FCSK: variants seen among roughly 807,000 people sequenced by gnomAD.
The protein encoded by FCSK is fucose kinase, also known as L-fucose kinase.
Under a neutral mutation model 122.5 loss-of-function variants are expected in FCSK, and 123 were observed. That is an observed-to-expected ratio of 1.00 (90% CI 0.87 to 1.17). The LOEUF (loss-of-function observed/expected upper bound fraction) is 1.17, where lower values mean the gene tolerates loss of function less well. Ranked by LOEUF, FCSK falls within the 50% of genes most tolerant of loss-of-function variation. FCSK has a pLI of 0.00. For missense variants in FCSK, 1,366 were observed against 1,450.4 expected (o/e 0.94, Z 0.95); for synonymous variants, 620 against 625.5 (o/e 0.99, Z 0.13).
chr16:70,468,021 G>A lies in FCSK; in HGVS notation c.663+55G>A, dbSNP rs2048478929. The A allele has an allele frequency of 2.9e-6, 4 of 1,368,896 alleles. No homozygotes were observed. The South Asian group carries it at 4.6e-5, about 16-fold the overall frequency. The allele number at this position is 1,368,896 out of a possible 1,614,324, so 84.8% of individuals were successfully genotyped here. ...TTTGGGGACCTTATGGGACAGGGAG[G>A]GAGGGTCTGACTTCCTTCGATTCCT... On this transcript the variant is annotated intron_variant, in intron 8 of 23. Coordinates refer to ENST00000288078, the MANE Select transcript of FCSK (RefSeq NM_145059.3).
intron 10 of FCSK, among the ~76,000 whole-genome samples, chr16:70,469,608 A>C (rs1469501765): frequency 6.6e-6 from 1 of 151,572 alleles, no homozygotes; most frequent in Non-Finnish European, 1.5e-5. Flanking sequence ...GGCTAGAGTG[A>C]GGTGGTGCGA....
At chr16:70,474,485 G>C (rs2048732646) in intron 16 of FCSK, 43 bp from the exon 17 acceptor site, 1 of 1,546,274 alleles carries the variant, frequency 6.5e-7, no homozygotes, top group Non-Finnish European at 8.7e-7. Context: ...TCTGCCCCCA[G>C]CTTGGGGCTG....
At chr16:70,468,430 CCG>C (rs1453777220) in intron 8 of FCSK, among the ~76,000 whole-genome samples, 1 of 152,096 alleles carries the variant, frequency 6.6e-6, no homozygotes, top group East Asian at 1.9e-4. Flanking sequence ...AATCCCCTGC[CCG>C]CTGTAAAACA....
At chr16:70,456,595 G>A (rs1379421411) in intron 1 of FCSK, among the ~76,000 whole-genome samples, 7 of 152,168 alleles carry the variant, frequency 4.6e-5, no homozygotes, top group Admixed American at 6.5e-5. Flanking sequence ...TCCTTGCCTG[G>A]CTGGAAGGAT....
chr16:70,454,982 G>C (rs2048044245), intron 1 of FCSK: 1 of 152,202 alleles, frequency 6.6e-6, no homozygotes. Flanking sequence ...TTTACTTTGA[G>C]GCCGCTTCTC....
intron 18 of FCSK, 105 bp from the exon 19 acceptor site, chr16:70,475,245 G>A: frequency 7.3e-7 from 1 of 1,367,272 alleles, no homozygotes; most frequent in Non-Finnish European, 1.0e-6. Context: ...CTGGGCTTTT[G>A]TCCCACCGGA....
intron 16 of FCSK, 81 bp from the exon 17 acceptor site, chr16:70,474,447 G>A (rs1168849189): frequency 6.5e-7 from 1 of 1,545,882 alleles, no homozygotes; most frequent in East Asian, 2.4e-5. Context: ...GGGTACCCCG[G>A]GACAGTCAGG....
Position 70,466,133 on chromosome 16 carries a change from G to T in FCSK, c.287G>T (p.Gly96Val). The T allele has an allele frequency of 6.2e-7, 1 of 1,613,734 alleles. No individual in the cohort carries two copies. ...HSAWILILHM[G>V]RDFPFDDCGR... ...CCTCACCAGTCCCCCGACTTCCAGG[G>T]TCGAGACTTCCCCTTTGATGACTGT... Residue 96 changes from glycine (G) to valine (V), a missense_variant and splice_region_variant, in exon 5 of 24, where the codon GGT becomes GTT. By Grantham distance (109) the Gly-to-Val change is moderately radical. Coordinates refer to ENST00000288078, the MANE Select transcript of FCSK (RefSeq NM_145059.3).
Position 70,473,018 on chromosome 16 carries a change from C to G in FCSK, c.1442C>G (p.Ala481Gly), listed in dbSNP as rs754522710. 37 of 1,598,434 alleles carry G rather than the reference C, an allele frequency of 2.3e-5. No individual in the cohort carries two copies. The highest frequency in any genetic ancestry group is 2.7e-5 in the Non-Finnish European group (32 of 1,173,252). ...CTGTGGGACCCTGAGACGCTGCCCG[C>G]AGAGTACTGCCTTCCCAGCGCCCGC... ...WDLWDPETLP[A>G]EYCLPSARLF... Residue 481 changes from alanine to glycine, a missense_variant, in exon 15 of 24, where the codon GCA becomes GGA. Transcript: ENST00000288078. This position sits in a 1 kb window ranked among gnomAD's most constrained non-coding sequence, Gnocchi z 4.9.
At position 70,474,949 on chromosome 16, in the gene FCSK, CTG is replaced by C. The variant is rs1202947014; in HGVS notation, c.2318_2319del (p.Val773GlufsTer9). Reference sequence around the variant, plus strand: ...GTGGGGCCTCGGCAGGATGAGATGACTGTGAAGATAGTGTGCCGGTGCCTGGC... The same window carrying C: ...GTGGGGCCTCGGCAGGATGAGATGACTGAAGATAGTGTGCCGGTGCCTGGC... On this transcript the variant is annotated frameshift_variant, in exon 18 of 24. Transcript: ENST00000288078. LOFTEE classifies it high-confidence loss of function. 1 of 1,611,630 alleles carries C rather than the reference CTG, an allele frequency of 6.2e-7. No individual in the cohort carries two copies. The highest frequency in any genetic ancestry group is 1.3e-5 in the African/African-American group (1 of 74,914).
In FCSK at chr16:70,477,761, G is replaced by A. The variant is rs188069789; in HGVS notation, c.2642-511G>A. 90 of 157,750 alleles carry A rather than the reference G, an allele frequency of 5.7e-4. 2 individuals are homozygous for A. The highest frequency in any genetic ancestry group is 8.3e-4 in the Non-Finnish European group (59 of 71,502). The allele number at this position is 157,750 out of a possible 1,614,324, so 9.8% of individuals were successfully genotyped here. On this transcript the variant is annotated intron_variant, in intron 20 of 23. Coordinates refer to ENST00000288078, the MANE Select transcript of FCSK (RefSeq NM_145059.3). ...CTCACATTGTCACCCAGGCTGGAGTGCAGTGGTGCGATCTCAGCTCACTGC... is the reference window on the plus strand; with the variant it reads ...CTCACATTGTCACCCAGGCTGGAGTACAGTGGTGCGATCTCAGCTCACTGC...
Position 70,479,717 on chromosome 16 carries a change from C to T in FCSK, c.*37C>T. On this transcript the variant is annotated 3_prime_UTR_variant, in exon 24 of 24. Coordinates refer to ENST00000288078, the MANE Select transcript of FCSK (RefSeq NM_145059.3). ...CTCTGCAACAGGAGAAAACCTGGAG[C>T]TACAGTGTCCCCCACCTTCCTTGCC... 1 of 1,537,498 alleles carries T rather than the reference C, an allele frequency of 6.5e-7. No individual in the cohort carries two copies. Among genetic ancestry groups the T allele is most frequent in the South Asian group, 1.1e-5 (1 of 88,082 alleles).
At position 70,473,461 on chromosome 16, in the gene FCSK, AGG is replaced by A. The variant is rs2048699236; in HGVS notation, c.1777+110_1777+111del. 1 of 1,284,602 alleles carries A rather than the reference AGG, an allele frequency of 7.8e-7. No individual in the cohort carries two copies. Among genetic ancestry groups the A allele is most frequent in the Non-Finnish European group, 1.0e-6 (1 of 968,004 alleles). The allele number at this position is 1,284,602 out of a possible 1,614,324, so 79.6% of individuals were successfully genotyped here. A position where few individuals can be genotyped will look rare whatever the true frequency, so the allele number is the denominator to read the frequency against. ...CTAGGGGACCATGAGGTGCTCAAGC[AGG>A]GAAGGGGCATGCTGGAGTTTACTTT... On this transcript the variant is annotated intron_variant, in intron 15 of 23. Coordinates refer to ENST00000288078, the MANE Select transcript of FCSK (RefSeq NM_145059.3). This position sits in a 1 kb window ranked among gnomAD's most constrained non-coding sequence, Gnocchi z 4.9.
At chr16:70,479,053 C>G (rs17879102) in intron 22 of FCSK, 127 bp from the exon 23 acceptor site, 3 of 756,070 alleles carry the variant, frequency 4.0e-6, no homozygotes, top group Non-Finnish European at 6.5e-6. Flanking sequence ...TGGCTCCAGC[C>G]GGCACTGGAA....
At chr16:70,462,048 T>C (rs1283546114) in intron 1 of FCSK, 1 of 152,260 alleles carries the variant, frequency 6.6e-6, no homozygotes, top group Non-Finnish European at 1.5e-5. Flanking sequence ...GAAAAAAGGC[T>C]TGGGCCACAG....
At chr16:70,461,741 G>A (rs2048272402) in intron 1 of FCSK, among the ~76,000 whole-genome samples, 1 of 152,148 alleles carries the variant, frequency 6.6e-6, no homozygotes, top group Non-Finnish European at 1.5e-5. Context: ...GCTTTGGGTG[G>A]CCCCAACTCT....
intron 16 of FCSK, 93 bp from the exon 17 acceptor site, chr16:70,474,435 T>G: frequency 1.3e-6 from 2 of 1,547,828 alleles, no homozygotes; most frequent in Non-Finnish European, 1.7e-6. Flanking sequence ...TGGGGCTCCC[T>G]TGGGTACCCC....
rs997617888 is a variant in FCSK at position 70,473,526 on chromosome 16, T to C, written c.1777+173T>C. On this transcript the variant is annotated intron_variant, in intron 15 of 23. Coordinates refer to ENST00000288078, the MANE Select transcript of FCSK (RefSeq NM_145059.3). This position sits in a 1 kb window ranked among gnomAD's most constrained non-coding sequence, Gnocchi z 4.9. ...AGGCCTCATCCTTGTCAATGGGGTT[T>C]GGTCTGAGGTTGAGGCATGTTCATC... Among the ~76,000 whole-genome samples the C allele has an allele frequency of 2.6e-5, 4 of 152,154 alleles. No individual in the cohort carries two copies. Among genetic ancestry groups the C allele is most frequent in the Non-Finnish European group, 5.9e-5 (4 of 68,022 alleles).
Position 70,463,705 on chromosome 16 carries a change from C to T in FCSK, c.165C>T (p.Gly55=). 2.2e-5 allele frequency: 36 copies of T among 1,612,872 alleles called. No homozygotes were observed. The highest frequency in any genetic ancestry group is 3.0e-5 in the Non-Finnish European group (35 of 1,179,998). The change falls in exon 3 of 24, where the codon GGC becomes GGT. Residue 55 remains glycine (G), a synonymous_variant. Transcript: ENST00000288078. Reference sequence around the variant, plus strand: ...TGGAGGACCCAGAGAAGCGTGTGGGCAGCGGAGGAGCCACCCTCAACGCCC... The same window carrying T: ...TGGAGGACCCAGAGAAGCGTGTGGGTAGCGGAGGAGCCACCCTCAACGCCC... ...LAVEDPEKRV[G]SGGATLNALL... is the part of the protein sequence containing the mutation.
Sources: gnomAD v4.1 joint callset for allele counts (sites outside exome capture counted in the v4.1 genomes callset) on GRCh38, gnomAD v4.1.1 for gene constraint, Gnocchi (gnomAD v3.1) non-coding constraint, MANE v1.5 for transcripts, NCBI Gene and HGNC (gene_info 2026-07-23, HGNC 2026-07-21) for gene names.